Variants in VAMP4 observed in about 807,000 individuals in gnomAD.
VAMP4 encodes vesicle-associated membrane protein 4.
A neutral mutation model predicts 23.5 loss-of-function variants in VAMP4; 19 were observed. The observed-to-expected ratio is 0.81, with a 90% confidence interval of 0.56 to 1.19. The LOEUF (loss-of-function observed/expected upper bound fraction) is 1.19. Among genes scored for constraint, VAMP4 ranks in the 50% most tolerant of loss-of-function variants. The probability of loss-of-function intolerance (pLI) is 0.00; values close to 1 mark genes in which losing one functional copy is unlikely to be tolerated. For synonymous variants in VAMP4, 31 were observed against 51.0 expected (o/e 0.61, Z 1.67); for missense variants, 145 against 168.6 (o/e 0.86, Z 0.78).
Position 171,706,391 on chromosome 1 carries a change from C to A in VAMP4, c.373G>T (p.Ala125Ser). The A allele has an allele frequency of 3.7e-6, 6 of 1,609,276 alleles. No homozygotes were observed. The highest frequency in any genetic ancestry group is 5.1e-6 in the Non-Finnish European group (6 of 1,177,560). ...KIKAIMALVAAILLLVIIILI... is the reference protein window; with the variant it reads ...KIKAIMALVASILLLVIIILI... Reference sequence around the variant, plus strand: ...CTGATAATCACTAGCAAAAGGATAGCAGCAACCAAAGCCATGATGGCTTTT... The same window carrying A: ...CTGATAATCACTAGCAAAAGGATAGAAGCAACCAAAGCCATGATGGCTTTT... The change falls in exon 7 of 8, where the codon GCT (alanine) becomes TCT (serine). Residue 125 changes from alanine to serine, a missense_variant. Transcript: ENST00000236192.
chr1:171,708,156 A>C (rs1332004393), intron 6 of VAMP4, among the ~76,000 whole-genome samples: 1 of 151,752 alleles, frequency 6.6e-6, no homozygotes, highest in African/African-American at 2.4e-5. Flanking sequence ...AAAATTAGCC[A>C]GGTGTGGTGG....
intron 3 of VAMP4, among the ~76,000 whole-genome samples, chr1:171,723,263 C>T (rs1298215043): frequency 4.6e-5 from 7 of 152,162 alleles, no homozygotes; most frequent in Admixed American, 4.6e-4. Flanking sequence ...AAGTTTCGGG[C>T]ACGCACTGTC....
intron 3 of VAMP4, among the ~76,000 whole-genome samples, chr1:171,723,045 G>T (rs1326714635): frequency 1.3e-5 from 2 of 152,132 alleles, no homozygotes; most frequent in Non-Finnish European, 2.9e-5. Flanking sequence ...CTGTGTGTCT[G>T]GGGGAGACAT....
rs144032289 is a variant in VAMP4 at position 171,732,742 on chromosome 1, T to C, written c.67-4172A>G. On this transcript the variant is annotated intron_variant, in intron 2 of 7. Coordinates refer to ENST00000236192, the MANE Select transcript of VAMP4 (RefSeq NM_003762.5). ...ATCACAAAGATTGAAAATATATAAA[T>C]AGTTAACTCTTAAGATGGGTAAGTT... Among the ~76,000 whole-genome samples, 1,088 of 152,218 alleles carry C rather than the reference T, an allele frequency of 7.1e-3. 15 individuals carry two copies. The highest frequency in any genetic ancestry group is 0.025 in the African/African-American group (1,037 of 41,532).
intron 5 of VAMP4, among the ~76,000 whole-genome samples, chr1:171,710,021 TA>T (rs1178133254): frequency 1.3e-5 from 2 of 152,056 alleles, no homozygotes; most frequent in Non-Finnish European, 2.9e-5. Flanking sequence ...TTAATGCTTA[TA>T]AATAAACTTA....
intron 3 of VAMP4, among the ~76,000 whole-genome samples, chr1:171,724,557 G>A (rs763181268): frequency 5.3e-5 from 8 of 152,094 alleles, no homozygotes; most frequent in Non-Finnish European, 8.8e-5. Flanking sequence ...ACAAAACACT[G>A]CTGAGAGAAA....
intron 3 of VAMP4, among the ~76,000 whole-genome samples, chr1:171,721,574 A>C (rs1655196756): frequency 6.6e-6 from 1 of 152,192 alleles, no homozygotes; most frequent in African/African-American, 2.4e-5. Context: ...ATGAAAATCA[A>C]TGTGCAAAAA....
chr1:171,729,655 C>A (rs151075876), intron 2 of VAMP4, among the ~76,000 whole-genome samples: 186 of 152,210 alleles, frequency 1.2e-3, no homozygotes, highest in African/African-American at 4.4e-3. Context: ...ATCACAAAAA[C>A]CTGTTTTTTG....
At chr1:171,740,986 A>C (rs1269504100) in intron 1 of VAMP4, among the ~76,000 whole-genome samples, 1 of 152,222 alleles carries the variant, frequency 6.6e-6, no homozygotes, top group Non-Finnish European at 1.5e-5. Context: ...AACTAGTAGA[A>C]ATAAATCATG....
intron 3 of VAMP4, among the ~76,000 whole-genome samples, chr1:171,727,165 A>G (rs1225481872): frequency 2.0e-5 from 3 of 147,110 alleles, no homozygotes; most frequent in African/African-American, 7.5e-5. Flanking sequence ...ATTTGAGCCC[A>G]GTAGTTTGAA....
intron 5 of VAMP4, 73 bp downstream of exon 5, chr1:171,710,641 G>A (rs527468992): frequency 1.5e-5 from 17 of 1,152,994 alleles, no homozygotes; most frequent in South Asian, 1.3e-4. Context: ...ATTTGTAAAC[G>A]TTGGCTAGAC....
intron 1 of VAMP4, 68 bp from the exon 2 acceptor site, chr1:171,738,531 G>A: frequency 1.0e-6 from 1 of 996,472 alleles, no homozygotes; most frequent in Non-Finnish European, 1.5e-6. Context: ...TTAAAACAGT[G>A]TACATGAAAC....
chr1:171,727,960 C>T (rs1336298779), intron 3 of VAMP4, among the ~76,000 whole-genome samples: 1 of 152,186 alleles, frequency 6.6e-6, no homozygotes, highest in African/African-American at 2.4e-5. Context: ...AGGAAACTTG[C>T]AGGGCGACAG....
intron 3 of VAMP4, among the ~76,000 whole-genome samples, chr1:171,728,096 A>G (rs1343053855): frequency 1.3e-5 from 2 of 152,214 alleles, no homozygotes; most frequent in African/African-American, 4.8e-5. Flanking sequence ...AAAATATTAA[A>G]TGGAAAATTC....
chr1:171,722,025 C>G (rs1351475525), intron 3 of VAMP4, among the ~76,000 whole-genome samples: 1 of 152,284 alleles, frequency 6.6e-6, no homozygotes, highest in African/African-American at 2.4e-5. Flanking sequence ...CTACAGTAAC[C>G]AAAACAGCAT....
chr1:171,706,166 TATAC>T (rs956366644), intron 7 of VAMP4, among the ~76,000 whole-genome samples, 197 bp downstream of exon 7: 1 of 152,060 alleles, frequency 6.6e-6, no homozygotes, highest in African/African-American at 2.4e-5. Flanking sequence ...AAAATGTACA[TATAC>T]ATATTCACAT....
At chr1:171,712,166 GTA>G (rs1366840160) in intron 4 of VAMP4, among the ~76,000 whole-genome samples, 1 of 152,050 alleles carries the variant, frequency 6.6e-6, no homozygotes, top group East Asian at 1.9e-4. Context: ...AACATTAAAT[GTA>G]TATATATTTA....
rs1033490223 is a variant in VAMP4, at chr1:171,738,461, C to T, written c.-47G>A. ...TTTTGCTTCTCAACAGGATAGTCAC[C>T]ACCTTAAAGAGAAAATAAATTTCAT... On this transcript the variant is annotated splice_region_variant and 5_prime_UTR_variant, in exon 2 of 8. An upstream open reading frame in the 5' UTR gains an earlier in-frame stop. Transcript: ENST00000236192. The T allele has an allele frequency of 6.4e-6, 10 of 1,563,286 alleles. No homozygotes were observed. The highest frequency in any genetic ancestry group is 1.1e-5 in the South Asian group (1 of 88,804).
At chr1:171,731,612 G>A (rs1297363960) in intron 2 of VAMP4, among the ~76,000 whole-genome samples, 1 of 152,130 alleles carries the variant, frequency 6.6e-6, no homozygotes, top group East Asian at 1.9e-4. Context: ...ATTGCTGCAG[G>A]ACTAGATGGC....
Sources: gnomAD v4.1 joint callset for allele counts (sites outside exome capture counted in the v4.1 genomes callset) on GRCh38, gnomAD v4.1.1 for gene constraint, MANE v1.5 for transcripts, NCBI Gene and HGNC (gene_info 2026-07-23, HGNC 2026-07-21) for gene names.